The following PDE7B variants were observed in gnomAD, a reference collection of about 807,000 sequenced individuals.
PDE7B encodes the protein 3',5'-cyclic-AMP phosphodiesterase 7B.
PDE7B carries 29 observed loss-of-function variants against 56.2 expected under a neutral mutation model. The observed-to-expected ratio is 0.52, with a 90% CI of 0.38 to 0.70. The LOEUF is 0.70. Ranked by LOEUF, PDE7B falls within the 30% of genes least tolerant of loss-of-function variation. The pLI, the probability that PDE7B is intolerant of heterozygous loss-of-function variation, is 0.00. For synonymous variants in PDE7B, 197 were observed against 196.9 expected, an observed-to-expected ratio of 1.00 and a Z score of 0.00; for missense variants, 490 against 565.0, an observed-to-expected ratio of 0.87 and a Z score of 1.35.
chr6:136,078,225 G>A (rs545333406), intron 2 of PDE7B, among the ~76,000 whole-genome samples: 11 of 152,294 alleles, frequency 7.2e-5, no homozygotes, highest in East Asian at 3.9e-4. Flanking sequence ...GGACTCATTC[G>A]TCAGGAAAAA....
intron 2 of PDE7B, among the ~76,000 whole-genome samples, chr6:135,971,140 A>G (rs1438866562): frequency 6.6e-6 from 1 of 152,170 alleles, no homozygotes; most frequent in Admixed American, 6.6e-5. Flanking sequence ...TGAGATAATT[A>G]GAATGGACCC....
At chr6:136,008,819 G>A (rs2128206917) in intron 2 of PDE7B, among the ~76,000 whole-genome samples, 1 of 152,122 alleles carries the variant, frequency 6.6e-6, no homozygotes, top group African/African-American at 2.4e-5. Context: ...CTTTTGCTGT[G>A]CAGAAGCTCT....
chr6:136,061,917 C>G (rs1313341222), intron 2 of PDE7B, among the ~76,000 whole-genome samples: 1 of 152,166 alleles, frequency 6.6e-6, no homozygotes, highest in Admixed American at 6.5e-5. Flanking sequence ...AGTACAATTC[C>G]TGGTACATTG....
chr6:136,078,941 C>T (rs903333915), intron 2 of PDE7B, among the ~76,000 whole-genome samples: 4 of 152,134 alleles, frequency 2.6e-5, no homozygotes, highest in Non-Finnish European at 2.9e-5. Context: ...TCTTTCCAGA[C>T]AGCTCTGTAT....
Position 136,005,882 on chromosome 6 carries a change from A to G in PDE7B, c.82+58358A>G, listed in dbSNP as rs1479908379. 7.9e-5 allele frequency among the ~76,000 whole-genome samples: 12 copies of G among 151,716 alleles called. No homozygotes were observed. In the South Asian group the frequency reaches 1.9e-3, roughly 24 times the overall value. On this transcript the variant is annotated intron_variant, in intron 2 of 12. Coordinates refer to ENST00000308191, the MANE Select transcript of PDE7B (RefSeq NM_018945.4). ...ATATACCCAAAGGACTATAAATCAT[A>G]CTGCTATAAAGACACATGCACGTGT... is the stretch of plus-strand genomic sequence containing the variant.
intron 1 of PDE7B, among the ~76,000 whole-genome samples, chr6:135,898,973 G>T (rs7760469): frequency 6.6e-6 from 1 of 151,982 alleles, no homozygotes; most frequent in Non-Finnish European, 1.5e-5. Context: ...TGAGGGGGGC[G>T]CCAGGTGGAG....
intron 1 of PDE7B, among the ~76,000 whole-genome samples, chr6:135,858,975 GA>G (rs1227148315): frequency 4.0e-5 from 6 of 151,646 alleles, no homozygotes; most frequent in African/African-American, 1.5e-4. Context: ...ATTATATTAA[GA>G]TGTACAGCTT....
At chr6:135,858,915 T>A (rs989282474) in intron 1 of PDE7B, among the ~76,000 whole-genome samples, 1 of 152,188 alleles carries the variant, frequency 6.6e-6, no homozygotes, top group Admixed American at 6.6e-5. Flanking sequence ...CATAGACTTT[T>A]AAAGGAAAAT....
intron 3 of PDE7B, among the ~76,000 whole-genome samples, chr6:136,128,889 TC>T (rs1252329446): frequency 1.3e-5 from 2 of 151,694 alleles, no homozygotes; most frequent in Non-Finnish European, 2.9e-5. Flanking sequence ...ACCTTTCTGC[TC>T]CCCCCAAAGC....
chr6:136,109,693 C>A (rs1034483620), intron 3 of PDE7B, among the ~76,000 whole-genome samples: 1 of 152,166 alleles, frequency 6.6e-6, no homozygotes, highest in Non-Finnish European at 1.5e-5. Flanking sequence ...TTTGCTCAAC[C>A]TTTGGTCCAC....
chr6:136,072,079 AT>A (rs1442861372), intron 2 of PDE7B, among the ~76,000 whole-genome samples: 3 of 152,084 alleles, frequency 2.0e-5, no homozygotes, highest in Non-Finnish European at 4.4e-5. Flanking sequence ...CCCCTTTAAC[AT>A]TTTTTTCATT....
intron 8 of PDE7B, among the ~76,000 whole-genome samples, chr6:136,164,633 G>C (rs1453012469): frequency 5.9e-5 from 9 of 152,122 alleles, no homozygotes; most frequent in Non-Finnish European, 1.0e-4. Flanking sequence ...AGCTGGAAAA[G>C]TATTTAGTAC....
intron 1 of PDE7B, among the ~76,000 whole-genome samples, chr6:135,919,224 TTTTTGAAAGTTTTCAG>T (rs1298422488): frequency 6.6e-6 from 1 of 152,164 alleles, no homozygotes; most frequent in African/African-American, 2.4e-5. Flanking sequence ...AACGCCTCCT[TTTTTGAAAGTTTTCAG>T]TTTCAATGGA....
chr6:136,037,542 C>T (rs1562476222), intron 2 of PDE7B: 1 of 985,350 alleles, frequency 1.0e-6, no homozygotes. Flanking sequence ...GGGCAAGGTG[C>T]CCCCCAACCC....
chr6:136,139,883 T>C (rs1227316271), intron 3 of PDE7B, among the ~76,000 whole-genome samples: 7 of 152,224 alleles, frequency 4.6e-5, no homozygotes, highest in Admixed American at 3.9e-4. Context: ...CTTTGTCAGA[T>C]GAGTAGATTG....
chr6:136,173,658 T>A (rs964666571), intron 8 of PDE7B, 139 bp from the exon 9 acceptor site: 1 of 602,782 alleles, frequency 1.7e-6, no homozygotes, highest in Admixed American at 2.8e-5. Flanking sequence ...ATCTTTTGGG[T>A]TTTTTTTTCC....
chr6:135,940,988 A>G (rs1452190326), intron 1 of PDE7B, among the ~76,000 whole-genome samples: 1 of 152,248 alleles, frequency 6.6e-6, no homozygotes, highest in East Asian at 1.9e-4. Flanking sequence ...CAATAGATAT[A>G]TCAGCATACA....
In PDE7B at chr6:136,003,351, C is replaced by A. The variant is rs557741139; in HGVS notation, c.82+55827C>A. On this transcript the variant is annotated intron_variant, in intron 2 of 12. Coordinates refer to ENST00000308191, the MANE Select transcript of PDE7B (RefSeq NM_018945.4). ...GCAGAAGGCAAGAAATAACTAAAAT[C>A]AGAGCAGAACTGAAGGAAATAGAGA... Among the ~76,000 whole-genome samples, 369 of 151,882 alleles carry A rather than the reference C, an allele frequency of 2.4e-3. 3 individuals are homozygous for A. Among genetic ancestry groups the A allele is most frequent in the African/African-American group, 8.6e-3 (355 of 41,438 alleles).
chr6:135,950,022 C>T (rs546687582), intron 2 of PDE7B, among the ~76,000 whole-genome samples: 2 of 151,914 alleles, frequency 1.3e-5, no homozygotes, highest in East Asian at 3.9e-4. Flanking sequence ...GGAAGAATAC[C>T]AAAATAAAAT....
Sources: gnomAD v4.1 joint callset for allele counts (sites outside exome capture counted in the v4.1 genomes callset) on GRCh38, gnomAD v4.1.1 for gene constraint, MANE v1.5 for transcripts, NCBI Gene and HGNC (gene_info 2026-07-23, HGNC 2026-07-21) for gene names.